ERC1: variants seen among roughly 807,000 people sequenced by gnomAD.
The protein encoded by ERC1 is ELKS/RAB6-interacting/CAST family member 1, also known as RAB6 interacting protein 2.
In ERC1, 56 loss-of-function variants were observed where a neutral mutation model predicts 132.0. The ratio of observed to expected loss-of-function variants is 0.42; its 90% CI spans 0.34 to 0.53. The LOEUF is 0.53. ERC1 is among the 20% of genes least tolerant of loss of function. ERC1 has a pLI of 0.03. For synonymous variants in ERC1, 478 were observed against 476.1 expected (o/e 1.00, Z -0.05); for missense variants, 1,202 against 1,349.9 (o/e 0.89, Z 1.72).
chr12:1,420,517 A>G (rs2092381846), intron 17 of ERC1, among the ~76,000 whole-genome samples: 1 of 152,142 alleles, frequency 6.6e-6, no homozygotes, highest in Non-Finnish European at 1.5e-5. Flanking sequence ...GTGCAGTGGC[A>G]CAATCTCGGC....
chr12:1,434,961 A>G (rs2092910443), intron 17 of ERC1, among the ~76,000 whole-genome samples: 1 of 152,222 alleles, frequency 6.6e-6, no homozygotes, highest in African/African-American at 2.4e-5. Flanking sequence ...AGAGAGAATA[A>G]TTCAATCACT....
intron 12 of ERC1, among the ~76,000 whole-genome samples, chr12:1,235,192 C>T (rs980110913): frequency 6.6e-6 from 1 of 152,154 alleles, no homozygotes; most frequent in African/African-American, 2.4e-5. Flanking sequence ...CATAGTGAAA[C>T]CTCATCTCTA....
chr12:1,344,564 G>A (rs554385495), intron 15 of ERC1, among the ~76,000 whole-genome samples: 1 of 152,244 alleles, frequency 6.6e-6, no homozygotes, highest in South Asian at 2.1e-4. Context: ...ACTAAAATAA[G>A]TATTCATTTA....
intron 1 of ERC1, among the ~76,000 whole-genome samples, chr12:995,988 G>C (rs977537702): frequency 2.0e-5 from 3 of 152,160 alleles, no homozygotes; most frequent in Non-Finnish European, 2.9e-5. Flanking sequence ...AGAGAATTCT[G>C]CTTGATTATG....
intron 12 of ERC1, among the ~76,000 whole-genome samples, chr12:1,201,963 G>A (rs1260085645): frequency 6.6e-6 from 1 of 152,128 alleles, no homozygotes; most frequent in African/African-American, 2.4e-5. Flanking sequence ...TATATAATAT[G>A]TGTTCTTGCT....
At chr12:1,405,635 A>G (rs561088968) in intron 16 of ERC1, among the ~76,000 whole-genome samples, 55 of 152,260 alleles carry the variant, frequency 3.6e-4, no homozygotes, top group Non-Finnish European at 6.3e-4. Flanking sequence ...CCCAGGAGGC[A>G]GAGGTTGCAG....
rs1366353374 is a variant in ERC1, at chr12:1,336,803, AT to A, written c.2781-35016del. Among the ~76,000 whole-genome samples, 911 of 142,978 alleles carry A rather than the reference AT, an allele frequency of 6.4e-3. 2 individuals carry two copies. The highest frequency in any genetic ancestry group is 0.014 in the African/African-American group (560 of 39,308). The allele number at this position is 142,978 out of a possible 152,430, so 93.8% of individuals were successfully genotyped here. On this transcript the variant is annotated intron_variant, in intron 15 of 18. Coordinates refer to ENST00000360905, the MANE Select transcript of ERC1 (RefSeq NM_178040.4). The stretch of plus-strand genomic sequence containing the variant: ...GTTCAGGTCCTGAATATCTTTATTA[AT>A]TTTTTTTTTTTTTGAGACAGTCTTG...
chr12:1,301,284 C>T (rs1236825745), intron 15 of ERC1, among the ~76,000 whole-genome samples: 1 of 152,086 alleles, frequency 6.6e-6, no homozygotes, highest in Non-Finnish European at 1.5e-5. Flanking sequence ...TCTTAGAATT[C>T]ACCACTGTAT....
At chr12:1,365,615 C>T (rs1294065972) in intron 15 of ERC1, among the ~76,000 whole-genome samples, 4 of 152,160 alleles carry the variant, frequency 2.6e-5, no homozygotes, top group Admixed American at 1.3e-4. Context: ...AGTATATCAG[C>T]GTATTGAGTA....
At chr12:1,192,224 T>A (rs532961438) in intron 12 of ERC1, among the ~76,000 whole-genome samples, 1 of 152,354 alleles carries the variant, frequency 6.6e-6, no homozygotes, top group East Asian at 1.9e-4. Context: ...GTGGTTATAT[T>A]TAGTATTATG....
At chr12:1,059,967 G>A (rs1340721239) in intron 2 of ERC1, among the ~76,000 whole-genome samples, 1 of 152,090 alleles carries the variant, frequency 6.6e-6, no homozygotes, top group East Asian at 1.9e-4. Context: ...CTGATCCAGG[G>A]TTTCCTTTGT....
intron 15 of ERC1, among the ~76,000 whole-genome samples, chr12:1,358,231 C>T (rs868253532): frequency 6.9e-6 from 1 of 144,252 alleles, no homozygotes; most frequent in African/African-American, 2.6e-5. Context: ...AAAAAAAAAA[C>T]ACTAAACTTT....
intron 17 of ERC1, among the ~76,000 whole-genome samples, chr12:1,428,717 C>A (rs974613165): frequency 1.3e-5 from 2 of 152,328 alleles, no homozygotes; most frequent in East Asian, 3.9e-4. Context: ...TGCTTTCATT[C>A]ACTTGTCCTC....
At chr12:1,445,472 C>T (rs113446030) in intron 18 of ERC1, among the ~76,000 whole-genome samples, 2,522 of 152,130 alleles carry the variant, frequency 0.017, 66 homozygotes, top group African/African-American at 0.058. Context: ...CTCAAGTGAT[C>T]CTCCCACCTT....
At chr12:1,178,351 T>C (rs1281905222) in intron 8 of ERC1, among the ~76,000 whole-genome samples, 1 of 152,186 alleles carries the variant, frequency 6.6e-6, no homozygotes, top group African/African-American at 2.4e-5. Context: ...ATTTATTGAT[T>C]AATGTTTACT....
intron 17 of ERC1, among the ~76,000 whole-genome samples, chr12:1,425,957 C>T (rs1244117218): frequency 2.0e-5 from 3 of 152,110 alleles, no homozygotes; most frequent in Non-Finnish European, 2.9e-5. Context: ...TCTTGAGGCA[C>T]CGATGTAATG....
In ERC1 at chr12:1,058,555, GTC is replaced by G. The variant is rs200744026; in HGVS notation, c.670-24607_670-24606del. Among the ~76,000 whole-genome samples the G allele has an allele frequency of 8.4e-3, 1,276 of 152,158 alleles. 24 individuals carry two copies. The highest frequency in any genetic ancestry group is 0.03 in the African/African-American group (1,225 of 41,516). Reference sequence around the variant, plus strand: ...TCTGTTCTGTCCTATTGGTCTATGTGTCTGTTTTTATACCAGCACCATGCTGT... The same window carrying G: ...TCTGTTCTGTCCTATTGGTCTATGTGTGTTTTTATACCAGCACCATGCTGT... On this transcript the variant is annotated intron_variant, in intron 2 of 18. Transcript: ENST00000360905.
chr12:1,154,219 A>G (rs111964784), intron 8 of ERC1, among the ~76,000 whole-genome samples: 946 of 59,330 alleles, frequency 0.016, 11 homozygotes, highest in African/African-American at 0.11. Flanking sequence ...GTGTGTATGT[A>G]TATGTATATG....
chr12:1,208,131 C>A (rs7954213), intron 12 of ERC1, among the ~76,000 whole-genome samples: 1 of 151,888 alleles, frequency 6.6e-6, no homozygotes, highest in African/African-American at 2.4e-5. Flanking sequence ...ATTGACTTTA[C>A]AGAGATGAGA....
Sources: allele counts gnomAD v4.1 joint callset (sites outside exome capture counted in the v4.1 genomes callset), GRCh38; gene constraint gnomAD v4.1.1; transcripts MANE v1.5; gene names NCBI Gene and HGNC (gene_info 2026-07-23, HGNC 2026-07-21).